DNAL1: variants seen among roughly 807,000 people sequenced by gnomAD.
The protein encoded by DNAL1 is dynein axonemal light chain 1.
DNAL1 carries 17 observed loss-of-function variants against 29.4 expected under a neutral mutation model. That is an observed-to-expected ratio of 0.58 (90% CI 0.40 to 0.87). The LOEUF (loss-of-function observed/expected upper bound fraction) is 0.87, where lower values mean the gene tolerates loss of function less well. DNAL1 is among the 40% of genes least tolerant of loss of function. The pLI is 0.00. For synonymous variants in DNAL1, 78 were observed against 76.3 expected (o/e 1.02, Z -0.12); for missense variants, 188 against 214.1 (o/e 0.88, Z 0.76).
chr14:73,697,736 C>A lies in DNAL1; in HGVS notation c.*1794C>A, dbSNP rs1404038687. On this transcript the variant is annotated 3_prime_UTR_variant, in exon 8 of 8. Coordinates refer to ENST00000553645, the MANE Select transcript of DNAL1 (RefSeq NM_031427.4). ...CCAGCCTGGGCAATAGAGCGAGACT[C>A]CATATTTAAAAAAAAAAAAAAAAAA... The A allele has an allele frequency of 2.9e-5, 4 of 139,082 alleles. No homozygotes were observed. The highest frequency in any genetic ancestry group is 7.2e-5 in the Admixed American group (1 of 13,972). 8.6% of individuals were successfully genotyped at this position (139,082 alleles called of 1,614,324 possible).
At chr14:73,674,209 G>A (rs931308462) in intron 5 of DNAL1, among the ~76,000 whole-genome samples, 13 of 152,114 alleles carry the variant, frequency 8.5e-5, no homozygotes, top group African/African-American at 3.1e-4. Flanking sequence ...CTAGTGACTG[G>A]CCTTCTTTCT....
rs185881723 is a variant in DNAL1 at position 73,681,786 on chromosome 14, C to T, written c.265-5473C>T. 4.7e-3 allele frequency among the ~76,000 whole-genome samples: 698 copies of T among 150,104 alleles called. 1 individual carries two copies. Among genetic ancestry groups the T allele is most frequent in the Middle Eastern group, 0.025 (7 of 284 alleles). On this transcript the variant is annotated intron_variant, in intron 5 of 7. Coordinates refer to ENST00000553645, the MANE Select transcript of DNAL1 (RefSeq NM_031427.4). ...CTCCAGCCTGGACAACAGAGCAAGA[C>T]GCTGCCTCTAAATAAATGAATAAAT...
chr14:73,681,617 A>AT (rs1891879010), intron 5 of DNAL1, among the ~76,000 whole-genome samples: 2 of 47,672 alleles, frequency 4.2e-5, no homozygotes, highest in Admixed American at 2.8e-4. Flanking sequence ...AAAAAAAAAA[A>AT]AAAAAAAAAA....
chr14:73,669,747 GCT>G (rs370634911), intron 4 of DNAL1, among the ~76,000 whole-genome samples: 18 of 152,016 alleles, frequency 1.2e-4, no homozygotes, highest in African/African-American at 4.1e-4. Context: ...CTCTTTACAG[GCT>G]CTGTCTCCAA....
chr14:73,659,728 G>A (rs1853595190), intron 3 of DNAL1: 2 of 151,730 alleles, frequency 1.3e-5, no homozygotes, highest in Non-Finnish European at 2.9e-5. Context: ...AGTCAAAACT[G>A]TATTTTCTTA....
Position 73,696,239 on chromosome 14 carries a change from C to T in DNAL1, c.*297C>T, listed in dbSNP as rs1162410634. 4.5e-6 allele frequency: 1 copy of T among 221,426 alleles called. No homozygotes were observed. Among genetic ancestry groups the T allele is most frequent in the Non-Finnish European group, 8.8e-6 (1 of 113,584 alleles). 13.7% of individuals were successfully genotyped at this position (221,426 alleles called of 1,614,324 possible). A position where few individuals can be genotyped will look rare whatever the true frequency, so the allele number is the denominator to read the frequency against. On this transcript the variant is annotated 3_prime_UTR_variant, in exon 8 of 8. Coordinates refer to ENST00000553645, the MANE Select transcript of DNAL1 (RefSeq NM_031427.4). ...TCTACTAAAACAAAACCTTTGTAGA[C>T]CAGTCATTTTTAATAACAAAGGAAC...
chr14:73,656,787 C>G (rs188445520), intron 2 of DNAL1, among the ~76,000 whole-genome samples: 1 of 151,920 alleles, frequency 6.6e-6, no homozygotes, highest in African/African-American at 2.4e-5. Flanking sequence ...TTGATTTACC[C>G]AACATTTATT....
chr14:73,675,357 A>G lies in DNAL1; in HGVS notation c.264+3760A>G, dbSNP rs78459220. On this transcript the variant is annotated intron_variant, in intron 5 of 7. Transcript: ENST00000553645. ...TAATCTCGGACTAGTATAGTTTACT[A>G]TAATCTTGAACTCCTGGGCTCCAGC... 8.1e-3 allele frequency among the ~76,000 whole-genome samples: 1,222 copies of G among 150,732 alleles called. 23 individuals carry two copies. Among genetic ancestry groups the G allele is most frequent in the African/African-American group, 0.028 (1,158 of 41,106 alleles).
chr14:73,694,950 A>G (rs911372116), intron 7 of DNAL1, among the ~76,000 whole-genome samples: 1 of 151,892 alleles, frequency 6.6e-6, no homozygotes, highest in Non-Finnish European at 1.5e-5. Flanking sequence ...CGGCCTCCCA[A>G]AGTGGTGGGA....
chr14:73,661,975 G>C lies in DNAL1; in HGVS notation c.153-12G>C, dbSNP rs201880561. 1,129 of 1,533,590 alleles carry C rather than the reference G, an allele frequency of 7.4e-4. 8 individuals are homozygous for C. The African/African-American group carries it at 0.014, about 19-fold the overall frequency. 95.0% of individuals were successfully genotyped at this position (1,533,590 alleles called of 1,614,324 possible). A position where few individuals can be genotyped will look rare whatever the true frequency, so the allele number is the denominator to read the frequency against. On this transcript the variant is annotated splice_polypyrimidine_tract_variant and intron_variant, in intron 3 of 7. Coordinates refer to ENST00000553645, the MANE Select transcript of DNAL1 (RefSeq NM_031427.4). ...ATTTTTCACATTAAATTTTTTCTTT[G>C]TTCTTTTAAAGGAAGCTTTCACTGT...
chr14:73,658,793 T>C (rs1216430774), intron 2 of DNAL1, 54 bp from the exon 3 acceptor site: 1 of 1,403,800 alleles, frequency 7.1e-7, no homozygotes, highest in Non-Finnish European at 9.9e-7. Context: ...CTGGCCTCTT[T>C]TGTTTCCACA....
At chr14:73,656,575 C>A (rs1891220469) in intron 2 of DNAL1, among the ~76,000 whole-genome samples, 1 of 151,962 alleles carries the variant, frequency 6.6e-6, no homozygotes, top group East Asian at 1.9e-4. Context: ...ATCATCACCA[C>A]ACCTGGCTAA....
chr14:73,662,293 G>T (rs935248877), intron 4 of DNAL1, among the ~76,000 whole-genome samples: 11 of 152,128 alleles, frequency 7.2e-5, no homozygotes, highest in African/African-American at 2.7e-4. Flanking sequence ...TAGAATATCA[G>T]ATTTTTAATT....
intron 2 of DNAL1, among the ~76,000 whole-genome samples, chr14:73,657,328 G>C (rs1891242073): frequency 6.6e-6 from 1 of 152,136 alleles, no homozygotes; most frequent in Non-Finnish European, 1.5e-5. Flanking sequence ...CCACAGTCGT[G>C]TGCCACCACA....
At chr14:73,661,662 T>C (rs1477011269) in intron 3 of DNAL1, among the ~76,000 whole-genome samples, 1 of 152,074 alleles carries the variant, frequency 6.6e-6, no homozygotes, top group East Asian at 1.9e-4. Context: ...GGAGAATTGC[T>C]TGAACCGGGG....
chr14:73,662,811 T>C (rs1595207858), intron 4 of DNAL1, among the ~76,000 whole-genome samples: 1 of 92,696 alleles, frequency 1.1e-5, no homozygotes, highest in Non-Finnish European at 3.3e-5. Flanking sequence ...AAAGTACTTT[T>C]TTTTTTTTTT....
chr14:73,683,728 TA>T (rs1364251839), intron 5 of DNAL1, among the ~76,000 whole-genome samples: 1 of 151,622 alleles, frequency 6.6e-6, no homozygotes, highest in Admixed American at 6.6e-5. Flanking sequence ...CTTTTGAGAA[TA>T]ACAAGTTCAC....
intron 7 of DNAL1, among the ~76,000 whole-genome samples, chr14:73,691,846 ACC>A (rs775100350): frequency 0.31 from 32,170 of 102,948 alleles, 4,649 homozygotes; most frequent in Non-Finnish European, 0.39. Flanking sequence ...GGCGTGCGCC[ACC>A]CCCCCCCCCC....
chr14:73,684,201 G>T (rs1433448647), intron 5 of DNAL1, among the ~76,000 whole-genome samples: 1 of 151,988 alleles, frequency 6.6e-6, no homozygotes, highest in African/African-American at 2.4e-5. Context: ...TTCATTATTG[G>T]ACACTTAGGT....
Sources: gnomAD v4.1 joint callset for allele counts (sites outside exome capture counted in the v4.1 genomes callset) on GRCh38, gnomAD v4.1.1 for gene constraint, MANE v1.5 for transcripts, NCBI Gene and HGNC (gene_info 2026-07-23, HGNC 2026-07-21) for gene names.